The following CYRIB variants were observed in gnomAD, a reference collection of about 807,000 sequenced individuals.
The protein encoded by CYRIB is CYFIP related Rac1 interactor B, also known as CYFIP-related Rac1 interactor B.
CYRIB carries 8 observed loss-of-function variants against 44.2 expected under a neutral mutation model. The ratio of observed to expected loss-of-function variants is 0.18; its 90% CI spans 0.11 to 0.33. The LOEUF is 0.33. Ranked by LOEUF, CYRIB falls within the 10% of genes least tolerant of loss-of-function variation. The pLI, the probability that CYRIB is intolerant of heterozygous loss-of-function variation, is 1.00. For synonymous variants in CYRIB, 131 were observed against 127.2 expected (o/e 1.03, Z -0.20); for missense variants, 185 against 382.8 (o/e 0.48, Z 4.31).
At chr8:129,892,416 T>G (rs923948882) in intron 2 of CYRIB, among the ~76,000 whole-genome samples, 2 of 152,192 alleles carry the variant, frequency 1.3e-5, no homozygotes, top group South Asian at 4.1e-4. Flanking sequence ...TGTCAACAAC[T>G]CAAAAGAAAA....
intron 1 of CYRIB, among the ~76,000 whole-genome samples, chr8:129,986,613 G>A (rs187563948): frequency 2.6e-5 from 4 of 152,250 alleles, no homozygotes; most frequent in South Asian, 2.1e-4. Flanking sequence ...GAGCTAGCAC[G>A]AGCTCTCTCA....
At chr8:129,991,972 A>AC (rs2096648898) in intron 1 of CYRIB, among the ~76,000 whole-genome samples, 2 of 120,066 alleles carry the variant, frequency 1.7e-5, no homozygotes, top group Non-Finnish European at 3.8e-5. Context: ...AAAAAAAAAA[A>AC]CAATAGGAAG....
At chr8:129,849,255 A>G (rs768050654) in exon 10 of CYRIB, 1 of 1,595,746 alleles carries the variant, frequency 6.3e-7, no homozygotes, top group South Asian at 1.2e-5. Flanking sequence ...CAATTTTGGA[A>G]GTTTTAGCAA....
intron 2 of CYRIB, among the ~76,000 whole-genome samples, chr8:129,955,653 G>A (rs1009506682): frequency 2.6e-5 from 4 of 152,168 alleles, no homozygotes; most frequent in Non-Finnish European, 5.9e-5. Flanking sequence ...GGTTTGCATA[G>A]CACTGTGTAT....
intron 3 of CYRIB, among the ~76,000 whole-genome samples, chr8:129,876,971 G>C (rs568585326): frequency 5.3e-5 from 8 of 152,204 alleles, no homozygotes; most frequent in East Asian, 1.9e-4. Flanking sequence ...GTATAAAGCA[G>C]TATAAAACGG....
At chr8:129,910,207 C>T (rs1035718744) in intron 1 of CYRIB, among the ~76,000 whole-genome samples, 1 of 152,230 alleles carries the variant, frequency 6.6e-6, no homozygotes, top group Non-Finnish European at 1.5e-5. Context: ...CACTCACCCA[C>T]GGTCTTCTCA....
chr8:129,955,454 G>A (rs555783440), intron 2 of CYRIB, among the ~76,000 whole-genome samples: 3 of 151,964 alleles, frequency 2.0e-5, no homozygotes, highest in South Asian at 2.1e-4. Flanking sequence ...ACACTCCCAC[G>A]TTTCCGCACC....
chr8:129,842,583 C>A (rs1242887429), intron 11 of CYRIB, among the ~76,000 whole-genome samples: 1 of 152,104 alleles, frequency 6.6e-6, no homozygotes, highest in African/African-American at 2.4e-5. Context: ...TGAGCTAATT[C>A]TATTTTTTAA....
intron 1 of CYRIB, among the ~76,000 whole-genome samples, chr8:129,935,824 C>T (rs2092699014): frequency 6.6e-6 from 1 of 152,300 alleles, no homozygotes; most frequent in Admixed American, 6.5e-5. Flanking sequence ...AAGTCTTCTA[C>T]TTCAACAAAA....
intron 2 of CYRIB, among the ~76,000 whole-genome samples, chr8:129,956,807 T>G (rs2094865926): frequency 2.0e-5 from 3 of 148,990 alleles, no homozygotes; most frequent in East Asian, 2.1e-4. Flanking sequence ...CCTTCCTTCC[T>G]TCCTCCCTCC....
chr8:129,879,328 G>A, intron 3 of CYRIB, 61 bp downstream of exon 5: 1 of 1,091,600 alleles, frequency 9.2e-7, no homozygotes, highest in Non-Finnish European at 1.4e-6. Context: ...CATTCATTTA[G>A]TGCAAGACAA....
At chr8:129,871,411 C>T (rs1431971827) in exon 4 of CYRIB, 2 of 1,610,796 alleles carry the variant, frequency 1.2e-6, no homozygotes, top group African/African-American at 1.3e-5. Flanking sequence ...TGTATGACTG[C>T]AAGTCCTCCA....
intron 2 of CYRIB, among the ~76,000 whole-genome samples, chr8:129,966,722 T>C (rs2095492565): frequency 6.6e-6 from 1 of 152,178 alleles, no homozygotes; most frequent in Admixed American, 6.5e-5. Flanking sequence ...TAATTATTTT[T>C]AGATAGGGCC....
intron 2 of CYRIB, among the ~76,000 whole-genome samples, chr8:129,889,324 G>A (rs2134622762): frequency 6.6e-6 from 1 of 152,302 alleles, no homozygotes; most frequent in East Asian, 1.9e-4. Context: ...TAATGGAAAT[G>A]TGTAAGGAGA....
At chr8:129,858,782 G>A (rs1400022239) in intron 5 of CYRIB, among the ~76,000 whole-genome samples, 1 of 152,164 alleles carries the variant, frequency 6.6e-6, no homozygotes, top group Non-Finnish European at 1.5e-5. Context: ...CAAGACTGAG[G>A]GGAGACAAAG....
intron 2 of CYRIB, among the ~76,000 whole-genome samples, chr8:129,891,633 A>G (rs759757893): frequency 2.6e-5 from 4 of 152,228 alleles, no homozygotes; most frequent in Admixed American, 6.5e-5. Context: ...CATGCAGTTA[A>G]CTCACTTGAC....
At chr8:129,864,004 C>T (rs966049248) in intron 4 of CYRIB, among the ~76,000 whole-genome samples, 4 of 152,124 alleles carry the variant, frequency 2.6e-5, no homozygotes, top group African/African-American at 9.7e-5. Flanking sequence ...TCCATCCACA[C>T]AAAAAACAAA....
intron 1 of CYRIB, among the ~76,000 whole-genome samples, chr8:129,919,252 T>A (rs1397538325): frequency 6.6e-6 from 1 of 152,194 alleles, no homozygotes; most frequent in Non-Finnish European, 1.5e-5. Flanking sequence ...ATATTATATA[T>A]CTGATATGTG....
intron 2 of CYRIB, among the ~76,000 whole-genome samples, chr8:129,881,714 ATCT>A (rs568945634): frequency 5.9e-5 from 9 of 152,078 alleles, no homozygotes; most frequent in African/African-American, 2.2e-4. Flanking sequence ...GTGGAGATCT[ATCT>A]TCTTCTTATA....
Sources: allele counts gnomAD v4.1 joint callset (sites outside exome capture counted in the v4.1 genomes callset), GRCh38; gene constraint gnomAD v4.1.1; transcripts MANE v1.5; gene names NCBI Gene and HGNC (gene_info 2026-07-23, HGNC 2026-07-21).